RAD54L: variants seen among roughly 807,000 people sequenced by gnomAD.
The protein encoded by RAD54L is RAD54 like.
A neutral mutation model predicts 91.6 loss-of-function variants in RAD54L; 74 were observed. The ratio of observed to expected loss-of-function variants is 0.81; its 90% CI spans 0.67 to 0.98. RAD54L has a LOEUF of 0.98. Ranked by LOEUF, RAD54L falls within the 50% of genes least tolerant of loss-of-function variation. The pLI is 0.00. For synonymous variants in RAD54L, 304 were observed against 349.7 expected, an observed-to-expected ratio of 0.87 and a Z score of 1.46; for missense variants, 887 against 945.7, an observed-to-expected ratio of 0.94 and a Z score of 0.81.
intron 3 of RAD54L, among the ~76,000 whole-genome samples, chr1:46,253,759 T>G (rs1659867226): frequency 7.5e-6 from 1 of 132,698 alleles, no homozygotes; most frequent in Non-Finnish European, 1.6e-5. Flanking sequence ...AGTCTTGTGT[T>G]CTCACCCAGG....
At position 46,278,125 on chromosome 1, in the gene RAD54L, G is replaced by T. The variant is rs751292224; in HGVS notation, c.2087G>T (p.Gly696Val). Residue 696 changes from glycine to valine, a missense_variant, in exon 18 of 18, where the codon GGT (glycine) becomes GTT (valine). Coordinates refer to ENST00000371975, the MANE Select transcript of RAD54L (RefSeq NM_003579.4). ...CGTCAGATCCGGCCACCCCCTGATGGTTCTGACTGCACTTCAGACCTGGCA... is the reference window on the plus strand; with the variant it reads ...CGTCAGATCCGGCCACCCCCTGATGTTTCTGACTGCACTTCAGACCTGGCA... ...NSRQIRPPPD[G>V]SDCTSDLAGW... is the part of the protein sequence containing the mutation. 2 of 1,613,948 alleles carry T rather than the reference G, an allele frequency of 1.2e-6. No homozygotes were observed. Among genetic ancestry groups the T allele is most frequent in the South Asian group, 2.2e-5 (2 of 90,990 alleles).
intron 8 of RAD54L, 145 bp downstream of exon 8, chr1:46,261,530 T>A: frequency 9.8e-7 from 1 of 1,018,440 alleles, no homozygotes; most frequent in Non-Finnish European, 1.5e-6. Flanking sequence ...GGAGAGCCTG[T>A]GATACCAAAA....
chr1:46,274,079 A>T (rs1166046197), intron 14 of RAD54L, 59 bp from the exon 15 acceptor site: 22 of 1,512,232 alleles, frequency 1.5e-5, no homozygotes, highest in Non-Finnish European at 1.7e-5. Flanking sequence ...TTTATTTTTA[A>T]TTTTTTTTCC....
intron 5 of RAD54L, 27 bp from the exon 6 acceptor site, chr1:46,260,515 G>A (rs776626477): frequency 2.4e-5 from 38 of 1,607,470 alleles, no homozygotes; most frequent in South Asian, 8.8e-5. Context: ...GTCTGAGCAC[G>A]CTGTTTTCTT....
chr1:46,269,191 T>A (rs1187932328), intron 9 of RAD54L, among the ~76,000 whole-genome samples: 1 of 152,234 alleles, frequency 6.6e-6, no homozygotes, highest in Non-Finnish European at 1.5e-5. Context: ...GTTGCTCTAT[T>A]TATGGACTCT....
At chr1:46,259,253 G>C (rs1038370014) in intron 4 of RAD54L, among the ~76,000 whole-genome samples, 2 of 151,216 alleles carry the variant, frequency 1.3e-5, no homozygotes, top group African/African-American at 4.9e-5. Context: ...GGGCTCAAGC[G>C]ATCCTCCCAC....
intron 3 of RAD54L, among the ~76,000 whole-genome samples, chr1:46,254,583 C>CT (rs768862202): frequency 0.044 from 5,712 of 130,160 alleles, 207 homozygotes; most frequent in African/African-American, 0.077. Flanking sequence ...GGAGCACTGA[C>CT]TTTTTTTTTT....
rs1301207224 is a variant in RAD54L, at chr1:46,248,174, T to C, written c.-232T>C. 3.1e-6 allele frequency: 2 copies of C among 646,432 alleles called. No individual in the cohort carries two copies. The highest frequency in any genetic ancestry group is 2.8e-6 in the Non-Finnish European group (1 of 357,422). 40.0% of individuals were successfully genotyped at this position (646,432 alleles called of 1,614,324 possible). On this transcript the variant is annotated 5_prime_UTR_variant, in exon 1 of 18. Transcript: ENST00000371975. ...AATCTCTGCTTGGTCTCTTCCTCTT[T>C]GGCCTAATCTCTCGTCTCGGCTTAT...
Position 46,274,150 on chromosome 1 carries a change from C to G in RAD54L, c.1623C>G (p.Val541=). 6.2e-7 allele frequency: 1 copy of G among 1,613,378 alleles called. No individual in the cohort carries two copies. Among genetic ancestry groups the G allele is most frequent in the Non-Finnish European group, 8.5e-7 (1 of 1,179,360 alleles). ...AATCCCCCTTCAGGTACTTATACGT[C>G]CGCCTGGATGGCACGATGTCCATTA... The part of the protein sequence containing the change: ...KLCRARRYLY[V]RLDGTMSIKK... The change falls in exon 15 of 18, where the codon GTC becomes GTG. Residue 541 remains valine, a synonymous_variant. Coordinates refer to ENST00000371975, the MANE Select transcript of RAD54L (RefSeq NM_003579.4).
In RAD54L at chr1:46,274,151, C is replaced by T. The variant is rs374567435; in HGVS notation, c.1624C>T (p.Arg542Cys). The T allele has an allele frequency of 5.0e-5, 80 of 1,613,170 alleles. No homozygotes were observed. The Admixed American group carries it at 8.0e-4, about 16-fold the overall frequency. The change falls in exon 15 of 18, where the codon CGC (arginine) becomes TGC (cysteine). Residue 542 changes from arginine (R) to cysteine (C), a missense_variant. Arg to Cys is a radical substitution (Grantham distance 180). Transcript: ENST00000371975. ...LCRARRYLYVRLDGTMSIKKR... is the reference protein window; with the variant it reads ...LCRARRYLYVCLDGTMSIKKR... ...ATCCCCCTTCAGGTACTTATACGTC[C>T]GCCTGGATGGCACGATGTCCATTAA...
intron 16 of RAD54L, among the ~76,000 whole-genome samples, chr1:46,276,190 T>C (rs1004720523): frequency 6.6e-6 from 1 of 152,160 alleles, no homozygotes; most frequent in African/African-American, 2.4e-5. Context: ...GATTAACTGA[T>C]TGATTTTGAG....
rs6698276 is a variant in RAD54L at position 46,275,793 on chromosome 1, A to G, written c.1869+1076A>G. 8.2e-3 allele frequency among the ~76,000 whole-genome samples: 1,250 copies of G among 152,212 alleles called. 19 individuals carry two copies. Among genetic ancestry groups the G allele is most frequent in the Middle Eastern group, 0.037 (11 of 294 alleles). ...CTAATTGCCAAAACAGGAGACTATG[A>G]ATTTTTCCTCTTCGTGTATCTCACA... On this transcript the variant is annotated intron_variant, in intron 16 of 17. Transcript: ENST00000371975.
rs759553009 is a variant in RAD54L at position 46,278,315 on chromosome 1, A to T, written c.*33A>T. ...CTGGTCTGGGTGTAGCTCTTAGAGG[A>T]AGGAGATAGGGAAAAGGGGCTCCTT... On this transcript the variant is annotated 3_prime_UTR_variant, in exon 18 of 18. Transcript: ENST00000371975. 3.2e-6 allele frequency: 5 copies of T among 1,580,492 alleles called. No homozygotes were observed. Among genetic ancestry groups the T allele is most frequent in the Non-Finnish European group, 8.6e-7 (1 of 1,161,468 alleles).
intron 4 of RAD54L, among the ~76,000 whole-genome samples, 187 bp from the exon 5 acceptor site, chr1:46,259,775 CAA>C (rs368127843): frequency 9.7e-5 from 10 of 103,570 alleles, no homozygotes; most frequent in Admixed American, 2.1e-4. Flanking sequence ...GACTCCATCT[CAA>C]AAAAAAAAAA....
At chr1:46,248,942 A>G (rs1659728398) in intron 2 of RAD54L, among the ~76,000 whole-genome samples, 1 of 152,124 alleles carries the variant, frequency 6.6e-6, no homozygotes, top group Non-Finnish European at 1.5e-5. Context: ...AGTGTCACAG[A>G]ACAGTAGAGT....
chr1:46,275,896 C>G (rs375561672), intron 16 of RAD54L, among the ~76,000 whole-genome samples: 1 of 151,904 alleles, frequency 6.6e-6, no homozygotes, highest in Admixed American at 6.6e-5. Flanking sequence ...GAGTTCGAGG[C>G]TATAGTGAGC....
chr1:46,269,246 CTGCTT>C (rs1417756040), intron 9 of RAD54L, among the ~76,000 whole-genome samples: 4 of 151,604 alleles, frequency 2.6e-5, no homozygotes, highest in African/African-American at 9.7e-5. Context: ...CAGTACTTCT[CTGCTT>C]TATTTACTGT....
chr1:46,273,001 T>A lies in RAD54L; in HGVS notation c.1375+199T>A, dbSNP rs147103373. Among the ~76,000 whole-genome samples, 429 of 152,320 alleles carry A rather than the reference T, an allele frequency of 2.8e-3. 5 individuals carry two copies. Among genetic ancestry groups the A allele is most frequent in the Non-Finnish European group, 1.6e-3 (108 of 68,040 alleles). The stretch of plus-strand genomic sequence containing the variant: ...GACCCTTTGCTTTGGAAAATTGAAC[T>A]CATCTTCTGTCCAGCCCATGCTTGA... On this transcript the variant is annotated intron_variant, in intron 12 of 17. Transcript: ENST00000371975.
chr1:46,272,423 G>A, intron 10 of RAD54L, 43 bp from the exon 11 acceptor site: 1 of 1,504,506 alleles, frequency 6.6e-7, no homozygotes, highest in Non-Finnish European at 9.3e-7. Flanking sequence ...AGTTAGCATG[G>A]CAATTTTACC....
Sources: gnomAD v4.1 joint callset for allele counts (sites outside exome capture counted in the v4.1 genomes callset) on GRCh38, gnomAD v4.1.1 for gene constraint, MANE v1.5 for transcripts, NCBI Gene and HGNC (gene_info 2026-07-23, HGNC 2026-07-21) for gene names.